The following RIMBP2 variants were observed in gnomAD, a reference collection of about 807,000 sequenced individuals.
The protein encoded by RIMBP2 is RIMS binding protein 2.
In RIMBP2, 48 loss-of-function variants were observed where a neutral mutation model predicts 118.6. That is an observed-to-expected ratio of 0.40 (90% confidence interval 0.32 to 0.51). The LOEUF is 0.51. Among genes scored for constraint, RIMBP2 ranks in the 20% least tolerant of loss-of-function variants. The pLI is 0.41. For synonymous variants in RIMBP2, 762 were observed against 742.9 expected, an observed-to-expected ratio of 1.03 and a Z score of -0.42; for missense variants, 1,551 against 1,768.3, an observed-to-expected ratio of 0.88 and a Z score of 2.20.
intron 17 of RIMBP2, among the ~76,000 whole-genome samples, chr12:130,415,197 T>G (rs1258083060): frequency 6.6e-6 from 1 of 152,080 alleles, no homozygotes; most frequent in African/African-American, 2.4e-5. Context: ...AAAAAGACAA[T>G]TCACCATGAT....
chr12:130,579,365 C>T lies in RIMBP2; in HGVS notation c.-217+48957G>A, dbSNP rs145796503. The stretch of plus-strand genomic sequence containing the variant: ...GACGTGACCAGTCCTCAGTAAAAAC[C>T]CTGGGCCCTGACTCTCTGATGAGCT... On this transcript the variant is annotated intron_variant, in intron 2 of 22. Coordinates refer to ENST00000690449, the MANE Select transcript of RIMBP2 (RefSeq NM_001393629.1). 5.4e-3 allele frequency among the ~76,000 whole-genome samples: 816 copies of T among 152,220 alleles called. 4 individuals carry two copies. Among genetic ancestry groups the T allele is most frequent in the Non-Finnish European group, 8.9e-3 (605 of 68,002 alleles).
chr12:130,571,207 TG>T (rs542156825), intron 2 of RIMBP2, among the ~76,000 whole-genome samples: 27 of 71,412 alleles, frequency 3.8e-4, no homozygotes, highest in African/African-American at 1.4e-3. Flanking sequence ...TTACTAGAGA[TG>T]GGGGGGAGAG....
At chr12:130,659,112 C>T (rs2063546529) in intron 1 of RIMBP2, among the ~76,000 whole-genome samples, 1 of 152,126 alleles carries the variant, frequency 6.6e-6, no homozygotes, top group Non-Finnish European at 1.5e-5. Flanking sequence ...GTGGGCTCAC[C>T]CAGTGCTATC....
At chr12:130,615,300 T>TATATATATATATATATATAC (rs1367996306) in intron 2 of RIMBP2, among the ~76,000 whole-genome samples, 8 of 140,836 alleles carry the variant, frequency 5.7e-5, no homozygotes, top group Non-Finnish European at 1.1e-4. Flanking sequence ...TATATATGTG[T>TATATATATATATATATATAC]ACACACAAAC....
intron 4 of RIMBP2, among the ~76,000 whole-genome samples, chr12:130,486,792 C>T (rs1479075642): frequency 6.6e-6 from 1 of 152,054 alleles, no homozygotes; most frequent in East Asian, 1.9e-4. Flanking sequence ...CTGTGTCCAA[C>T]GCTGCCACCT....
At chr12:130,428,961 G>T (rs1213467014) in intron 14 of RIMBP2, 1 of 152,326 alleles carries the variant, frequency 6.6e-6, no homozygotes. Context: ...GCCGGGTGTG[G>T]TGGCGGGCGC....
chr12:130,489,177 T>G (rs1344399706), intron 4 of RIMBP2, among the ~76,000 whole-genome samples: 2 of 152,212 alleles, frequency 1.3e-5, no homozygotes, highest in East Asian at 3.9e-4. Context: ...TACCCTTGTC[T>G]CTGAAATAAT....
At chr12:130,477,552 C>T (rs956697099) in intron 5 of RIMBP2, among the ~76,000 whole-genome samples, 3 of 152,178 alleles carry the variant, frequency 2.0e-5, no homozygotes, top group African/African-American at 7.2e-5. Flanking sequence ...CTCCGGGTGC[C>T]TGCCACCTTA....
intron 1 of RIMBP2, among the ~76,000 whole-genome samples, chr12:130,694,426 C>A (rs540987127): frequency 1.3e-5 from 2 of 152,196 alleles, no homozygotes; most frequent in Admixed American, 1.3e-4. Context: ...TTAGAGGCTA[C>A]CCATGACCTT....
chr12:130,703,945 G>A lies in RIMBP2; in HGVS notation c.-352+12277C>T, dbSNP rs1250773487. ...CCCCAGCTGTGCTCACCGGTGAGGG[G>A]AACACACCACCTTCCTGCTACTTTA... On this transcript the variant is annotated intron_variant, in intron 1 of 22. Coordinates refer to ENST00000690449, the MANE Select transcript of RIMBP2 (RefSeq NM_001393629.1). The surrounding 1 kb of genome is among the most constrained non-coding windows in gnomAD (Gnocchi z 5.7). 6.6e-6 allele frequency among the ~76,000 whole-genome samples: 1 copy of A among 152,090 alleles called. No individual in the cohort carries two copies. The highest frequency in any genetic ancestry group is 6.5e-5 in the Admixed American group (1 of 15,274).
chr12:130,517,971 G>A, intron 2 of RIMBP2, 54 bp from the exon 3 acceptor site: 3 of 721,118 alleles, frequency 4.2e-6, no homozygotes, highest in Non-Finnish European at 5.1e-6. Context: ...TAGAGACTTG[G>A]TAGAGTGCAG....
intron 1 of RIMBP2, among the ~76,000 whole-genome samples, chr12:130,709,618 C>G (rs780147294): frequency 7.9e-5 from 12 of 152,166 alleles, no homozygotes; most frequent in Non-Finnish European, 1.6e-4. Context: ...GCCTGTTGCC[C>G]CCGTCCCAAT....
At position 130,447,230 on chromosome 12, in the gene RIMBP2, G is replaced by C. The variant is rs1358845767; in HGVS notation, c.582-1961C>G. On this transcript the variant is annotated intron_variant, in intron 9 of 22. Transcript: ENST00000690449. This position sits in a 1 kb window ranked among gnomAD's most constrained non-coding sequence, Gnocchi z 4.4. ...TTGAGAGGGAAGCCGCGGAGGCCAA[G>C]AGGGAAGGTGAACACCGAGAAGGGT... 6.6e-6 allele frequency among the ~76,000 whole-genome samples: 1 copy of C among 152,038 alleles called. No homozygotes were observed. The highest frequency in any genetic ancestry group is 1.5e-5 in the Non-Finnish European group (1 of 67,994).
chr12:130,445,334 G>C (rs2078440465), intron 9 of RIMBP2, 65 bp from the exon 10 acceptor site: 4 of 1,146,206 alleles, frequency 3.5e-6, no homozygotes, highest in African/African-American at 1.6e-5. Flanking sequence ...CCCTGTCCGT[G>C]CAGAACGCCA....
intron 1 of RIMBP2, chr12:130,660,472 G>A (rs2063612136): frequency 6.6e-6 from 1 of 151,674 alleles, no homozygotes; most frequent in Non-Finnish European, 1.5e-5. Context: ...ACCGTATGAG[G>A]GGAAACTGGG....
intron 2 of RIMBP2, among the ~76,000 whole-genome samples, chr12:130,605,643 AGAT>A (rs1213744798): frequency 6.6e-6 from 1 of 152,228 alleles, no homozygotes; most frequent in Non-Finnish European, 1.5e-5. Flanking sequence ...GTAAAAAAAT[AGAT>A]GATGATAGAC....
At chr12:130,451,457 C>T in intron 7 of RIMBP2, 117 bp from the exon 8 acceptor site, 1 of 1,127,868 alleles carries the variant, frequency 8.9e-7, no homozygotes, top group Non-Finnish European at 1.2e-6. Flanking sequence ...CACTGATTTT[C>T]ATTTTGGGGT....
At chr12:130,471,324 C>A (rs1430889128) in intron 5 of RIMBP2, among the ~76,000 whole-genome samples, 1 of 152,252 alleles carries the variant, frequency 6.6e-6, no homozygotes, top group Non-Finnish European at 1.5e-5. Flanking sequence ...GATTCAAGCA[C>A]ATCTGAGATG....
Position 130,424,585 on chromosome 12 carries a change from G to T in RIMBP2, c.2686C>A (p.His896Asn), listed in dbSNP as rs1026230329. 1 of 1,231,980 alleles carries T rather than the reference G, an allele frequency of 8.1e-7. No individual in the cohort carries two copies. Among genetic ancestry groups the T allele is most frequent in the Non-Finnish European group, 1.0e-6 (1 of 987,864 alleles). 76.3% of individuals were successfully genotyped at this position (1,231,980 alleles called of 1,614,324 possible). A position where few individuals can be genotyped will look rare whatever the true frequency, so the allele number is the denominator to read the frequency against. ...VKHRGSGAVP[H>N]VEDFLLEDRG... is the part of the protein sequence containing the mutation. ...TCTTCCAGAAGGAAGTCCTCCACGT[G>T]GGGGACGGCCCCCGAGCCCCTGTGC... Residue 896 changes from histidine (H) to asparagine (N), a missense_variant, in exon 16 of 23, where the codon CAC becomes AAC. His to Asn is a moderately conservative substitution (Grantham distance 68). This residue lies in a region of RIMBP2 where 1,038 missense variants were observed against 1,125.1 expected (regional missense o/e 0.92). Coordinates refer to ENST00000690449, the MANE Select transcript of RIMBP2 (RefSeq NM_001393629.1). This position sits in a 1 kb window ranked among gnomAD's most constrained non-coding sequence, Gnocchi z 9.8.
Sources: allele counts gnomAD v4.1 joint callset (sites outside exome capture counted in the v4.1 genomes callset), GRCh38; gene constraint gnomAD v4.1.1; regional missense constraint gnomAD v4.1.1; non-coding constraint Gnocchi (gnomAD v3.1); transcripts MANE v1.5; gene names NCBI Gene and HGNC (gene_info 2026-07-23, HGNC 2026-07-21).